The following ZNF607 variants were observed in gnomAD, a reference collection of about 807,000 sequenced individuals.
The protein encoded by ZNF607 is zinc finger protein 607.
A neutral mutation model predicts 12.8 loss-of-function variants in ZNF607; 5 were observed. That is an observed-to-expected ratio of 0.39 (90% CI 0.20 to 0.82). The LOEUF is 0.82. ZNF607 is among the 40% of genes least tolerant of loss of function. The probability of loss-of-function intolerance (pLI) is 0.39; values close to 1 mark genes in which losing one functional copy is unlikely to be tolerated. For synonymous variants in ZNF607, 287 were observed against 276.2 expected (o/e 1.04, Z -0.39); for missense variants, 851 against 859.2 (o/e 0.99, Z 0.12).
At chr19:37,718,830 C>G (rs1234355885) in intron 1 of ZNF607, among the ~76,000 whole-genome samples, 1 of 152,170 alleles carries the variant, frequency 6.6e-6, no homozygotes, top group South Asian at 2.1e-4. Flanking sequence ...TGATCCCTAA[C>G]CTTCTTGGCT....
At position 37,697,777 on chromosome 19, in the gene ZNF607, G is replaced by T. The variant is rs1256290361; in HGVS notation, c.*263C>A. 5.8e-6 allele frequency: 2 copies of T among 347,802 alleles called. No homozygotes were observed. Among genetic ancestry groups the T allele is most frequent in the Non-Finnish European group, 5.2e-6 (1 of 193,362 alleles). 21.5% of individuals were successfully genotyped at this position (347,802 alleles called of 1,614,324 possible). A position where few individuals can be genotyped will look rare whatever the true frequency, so the allele number is the denominator to read the frequency against. ...TGAATATTTTGGCAATCCAAAACTA[G>T]AGGAATATCAGAAAAGTTTTCTTAT... On this transcript the variant is annotated 3_prime_UTR_variant, in exon 5 of 5. Coordinates refer to ENST00000355202, the MANE Select transcript of ZNF607 (RefSeq NM_032689.5).
chr19:37,713,872 C>T (rs2045152167), intron 1 of ZNF607, among the ~76,000 whole-genome samples: 1 of 152,108 alleles, frequency 6.6e-6, no homozygotes, highest in Non-Finnish European at 1.5e-5. Context: ...AAATTAAAAA[C>T]ACAAATATTA....
intron 4 of ZNF607, among the ~76,000 whole-genome samples, chr19:37,707,494 G>T (rs1568405808): frequency 6.6e-6 from 1 of 152,120 alleles, no homozygotes; most frequent in African/African-American, 2.4e-5. Flanking sequence ...TCTGGGCCAG[G>T]CACGGTGGTT....
In ZNF607 at chr19:37,698,541, C is replaced by T. The variant is rs780024870; in HGVS notation, c.1590G>A (p.Lys530=). ...LTQHLSIHSG[K]KPFECNKCGK... Reference sequence around the variant, plus strand: ...CGCATTTGTTGCATTCAAAGGGTTTCTTACCACTGTGAATACTCAGATGCT... The same window carrying T: ...CGCATTTGTTGCATTCAAAGGGTTTTTTACCACTGTGAATACTCAGATGCT... The change falls in exon 5 of 5, where the codon AAG becomes AAA. Residue 530 remains lysine (K), a synonymous_variant. Transcript: ENST00000355202. The T allele has an allele frequency of 1.9e-6, 3 of 1,611,962 alleles. No individual in the cohort carries two copies. The highest frequency in any genetic ancestry group is 2.5e-6 in the Non-Finnish European group (3 of 1,178,270).
intron 4 of ZNF607, among the ~76,000 whole-genome samples, chr19:37,700,293 C>A (rs1181408035): frequency 6.6e-6 from 1 of 152,086 alleles, no homozygotes; most frequent in Non-Finnish European, 1.5e-5. Context: ...AGAATACAGG[C>A]AAGTATCGAT....
intron 3 of ZNF607, among the ~76,000 whole-genome samples, chr19:37,709,479 CAGAG>C (rs1357540498): frequency 6.6e-6 from 1 of 152,064 alleles, no homozygotes; most frequent in Non-Finnish European, 1.5e-5. Flanking sequence ...AAAGAGGTAT[CAGAG>C]GGAGGTGTGA....
intron 4 of ZNF607, among the ~76,000 whole-genome samples, chr19:37,704,142 A>G (rs980687201): frequency 9.9e-5 from 15 of 152,120 alleles, no homozygotes; most frequent in Non-Finnish European, 1.5e-4. Context: ...TGAAAAAAAA[A>G]ACAAAAATAA....
chr19:37,714,311 A>AAAC (rs376072397), intron 1 of ZNF607, among the ~76,000 whole-genome samples: 5,528 of 139,498 alleles, frequency 0.04, 266 homozygotes, highest in African/African-American at 0.12. Context: ...CTCCGTCTCA[A>AAAC]AACAACAACA....
chr19:37,708,306 C>T (rs2045104019), intron 3 of ZNF607, among the ~76,000 whole-genome samples: 1 of 151,800 alleles, frequency 6.6e-6, no homozygotes, highest in Non-Finnish European at 1.5e-5. Flanking sequence ...AGTGATTCTC[C>T]TGCCTCAGTC....
rs966653684 is a variant in ZNF607, at chr19:37,697,623, G to A, written c.*417C>T. Reference sequence around the variant, plus strand: ...TGGCTAAATAGCCTTTCCCATCATCGCTTATATCAACAGAGGTTTCCTGTG... The same window carrying A: ...TGGCTAAATAGCCTTTCCCATCATCACTTATATCAACAGAGGTTTCCTGTG... On this transcript the variant is annotated 3_prime_UTR_variant, in exon 5 of 5. Coordinates refer to ENST00000355202, the MANE Select transcript of ZNF607 (RefSeq NM_032689.5). 5.0e-6 allele frequency: 2 copies of A among 397,958 alleles called. No individual in the cohort carries two copies. The highest frequency in any genetic ancestry group is 9.2e-6 in the Non-Finnish European group (2 of 216,508). 24.7% of individuals were successfully genotyped at this position (397,958 alleles called of 1,614,324 possible).
At position 37,702,287 on chromosome 19, in the gene ZNF607, C is replaced by CA. The variant is rs10714690; in HGVS notation, c.236-2393dup. 5.2e-3 allele frequency among the ~76,000 whole-genome samples: 383 copies of CA among 73,462 alleles called. 5 individuals are homozygous for CA. The highest frequency in any genetic ancestry group is 0.019 in the South Asian group (36 of 1,884). The allele number at this position is 73,462 out of a possible 152,430, so 48.2% of individuals were successfully genotyped here. A position where few individuals can be genotyped will look rare whatever the true frequency, so the allele number is the denominator to read the frequency against. The stretch of plus-strand genomic sequence containing the variant: ...GGGCAACAACAGCGAAACTCCATCT[C>CA]AAAAAAAAAAAAAAAAAAAAAAGAA... On this transcript the variant is annotated intron_variant, in intron 4 of 4. Coordinates refer to ENST00000355202, the MANE Select transcript of ZNF607 (RefSeq NM_032689.5).
chr19:37,714,891 T>C (rs948611533), intron 1 of ZNF607, among the ~76,000 whole-genome samples: 6 of 124,564 alleles, frequency 4.8e-5, no homozygotes, highest in Non-Finnish European at 7.5e-5. Flanking sequence ...TTAATTCTGT[T>C]GCTTCCTGTT....
rs752263649 is a variant in ZNF607, at chr19:37,698,318, T to C, written c.1813A>G (p.Ile605Val). The change falls in exon 5 of 5, where the codon ATT (isoleucine) becomes GTT (valine). Residue 605 changes from isoleucine (I) to valine (V), a missense_variant. Coordinates refer to ENST00000355202, the MANE Select transcript of ZNF607 (RefSeq NM_032689.5). ...CTGGTATGAATTCTCTCATGAATAA[T>C]AAGATGTGAAGCATGACTAAAAGTT... Reference protein sequence around the residue: ...GETFSHASHLIIHERIHTSDK... With the variant: ...GETFSHASHLVIHERIHTSDK... 9.3e-6 allele frequency: 15 copies of C among 1,614,154 alleles called. No individual in the cohort carries two copies. The South Asian group carries it at 1.3e-4, about 14-fold the overall frequency.
chr19:37,704,129 G>A (rs1437996072), intron 4 of ZNF607, among the ~76,000 whole-genome samples: 3 of 150,276 alleles, frequency 2.0e-5, no homozygotes, highest in African/African-American at 7.4e-5. Flanking sequence ...GTAAGACTCC[G>A]TCTGAAAAAA....
At chr19:37,717,641 C>CA (rs530962725) in intron 1 of ZNF607, among the ~76,000 whole-genome samples, 1,873 of 128,764 alleles carry the variant, frequency 0.015, 32 homozygotes, top group African/African-American at 0.04. Context: ...ACTAAAAATA[C>CA]AAAAAAAAAA....
chr19:37,698,242 G>T lies in ZNF607; in HGVS notation c.1889C>A (p.Ser630Ter). The T allele has an allele frequency of 6.2e-7, 1 of 1,614,172 alleles. No homozygotes were observed. ...AACGCTTTCATGTCTAACAAGATAT[G>T]AGGCACAGTGAAATGCCTTCCCACA... is the stretch of plus-strand genomic sequence containing the variant. ...KRCGKAFHCA[S>*]YLVRHESVHA... is the part of the protein sequence containing the mutation. The change falls in exon 5 of 5, where the codon TCA (serine) becomes TAA (stop). Residue 630 changes from serine to a stop codon, truncating the protein, a stop_gained. Transcript: ENST00000355202. LOFTEE classifies it low-confidence loss of function (END_TRUNC).
chr19:37,713,514 C>A (rs556474918), intron 1 of ZNF607, among the ~76,000 whole-genome samples: 1 of 151,746 alleles, frequency 6.6e-6, no homozygotes, highest in African/African-American at 2.4e-5. Flanking sequence ...TGGCTCACTG[C>A]AAACTCCGCC....
At position 37,698,506 on chromosome 19, in the gene ZNF607, A is replaced by C. The variant is rs1334486083; in HGVS notation, c.1625T>G (p.Phe542Cys). 1 of 1,611,920 alleles carries C rather than the reference A, an allele frequency of 6.2e-7. No homozygotes were observed. Among genetic ancestry groups the C allele is most frequent in the Non-Finnish European group, 8.5e-7 (1 of 1,178,182 alleles). The stretch of plus-strand genomic sequence containing the variant: ...GGCTTTAAGTACAGAAATGAACCTA[A>C]AAGACTTCCCGCATTTGTTGCATTC... ...PFECNKCGKS[F>C]RFISVLKAHQ... is the part of the protein sequence containing the mutation. Residue 542 changes from phenylalanine to cysteine, a missense_variant, in exon 5 of 5, where the codon TTT becomes TGT. Phe to Cys is a radical substitution (Grantham distance 205). Transcript: ENST00000355202.
rs770168509 is a variant in ZNF607 at position 37,698,263 on chromosome 19, C to T, written c.1868G>A (p.Gly623Glu). The T allele has an allele frequency of 7.4e-5, 119 of 1,613,974 alleles. No homozygotes were observed. Among genetic ancestry groups the T allele is most frequent in the Non-Finnish European group, 9.8e-5 (116 of 1,180,024 alleles). ...SDKPYECKRC[G>E]KAFHCASYLV... Reference sequence around the variant, plus strand: ...ATATGAGGCACAGTGAAATGCCTTCCCACATCTTTTACATTCATAGGGTTT... The same window carrying T: ...ATATGAGGCACAGTGAAATGCCTTCTCACATCTTTTACATTCATAGGGTTT... The change falls in exon 5 of 5, where the codon GGG becomes GAG. Residue 623 changes from glycine to glutamate, a missense_variant. By Grantham distance (98) the Gly-to-Glu change is moderately conservative (BLOSUM62 -2). Transcript: ENST00000355202.
Sources: gnomAD v4.1 joint callset for allele counts (sites outside exome capture counted in the v4.1 genomes callset) on GRCh38, gnomAD v4.1.1 for gene constraint, MANE v1.5 for transcripts, NCBI Gene and HGNC (gene_info 2026-07-23, HGNC 2026-07-21) for gene names.